The following GCH1 variants were observed in gnomAD, a reference collection of about 807,000 sequenced individuals.
The protein encoded by GCH1 is GTP cyclohydrolase I.
GCH1 carries 5 observed loss-of-function variants against 25.9 expected under a neutral mutation model. The ratio of observed to expected loss-of-function variants is 0.19; its 90% CI spans 0.10 to 0.41. The LOEUF (loss-of-function observed/expected upper bound fraction) is 0.41, where lower values mean the gene tolerates loss of function less well. GCH1 is among the 10% of genes least tolerant of loss of function. GCH1 has a pLI of 1.00. For synonymous variants in GCH1, 159 were observed against 129.6 expected, an observed-to-expected ratio of 1.23 and a Z score of -1.54; for missense variants, 261 against 336.5, an observed-to-expected ratio of 0.78 and a Z score of 1.75.
intron 3 of GCH1, among the ~76,000 whole-genome samples, chr14:54,855,022 A>G (rs549337918): frequency 6.6e-6 from 1 of 152,336 alleles, no homozygotes; most frequent in South Asian, 2.1e-4. Flanking sequence ...CACAAAGATA[A>G]TAAAATTTGT....
At position 54,902,756 on chromosome 14, in the gene GCH1, T is replaced by C. The variant is rs764888909; in HGVS notation, c.-93A>G. 5.1e-6 allele frequency: 7 copies of C among 1,360,420 alleles called. No homozygotes were observed. The highest frequency in any genetic ancestry group is 6.6e-6 in the Non-Finnish European group (7 of 1,060,730). The allele number at this position is 1,360,420 out of a possible 1,614,324, so 84.3% of individuals were successfully genotyped here. On this transcript the variant is annotated 5_prime_UTR_variant, in exon 1 of 6. Transcript: ENST00000491895. The stretch of plus-strand genomic sequence containing the variant: ...GCCGGTGGCCGCGGACAATGGGCTG[T>C]GGCCGGAGTCACCTGAGGAAGGTAC...
intron 1 of GCH1, among the ~76,000 whole-genome samples, chr14:54,866,474 T>C (rs2039991200): frequency 6.6e-6 from 1 of 151,524 alleles, no homozygotes; most frequent in Non-Finnish European, 1.5e-5. Flanking sequence ...AGAAAAAAAC[T>C]GTACTGATAC....
intron 1 of GCH1, among the ~76,000 whole-genome samples, chr14:54,900,694 A>G (rs977197702): frequency 1.3e-5 from 2 of 152,144 alleles, no homozygotes; most frequent in Admixed American, 6.5e-5. Context: ...AATTAGATCC[A>G]TGCTAGATTA....
At chr14:54,847,904 G>A (rs1230692710) in intron 3 of GCH1, among the ~76,000 whole-genome samples, 1 of 152,014 alleles carries the variant, frequency 6.6e-6, no homozygotes, top group Non-Finnish European at 1.5e-5. Context: ...TGTTTTATCA[G>A]AGCTTAAAAT....
At position 54,843,280 on chromosome 14, in the gene GCH1, C is replaced by G; in HGVS notation, c.*737G>C. 7.3e-7 allele frequency: 1 copy of G among 1,375,262 alleles called. No homozygotes were observed. The highest frequency in any genetic ancestry group is 9.3e-7 in the Non-Finnish European group (1 of 1,071,326). 85.2% of individuals were successfully genotyped at this position (1,375,262 alleles called of 1,614,324 possible). On this transcript the variant is annotated 3_prime_UTR_variant, in exon 6 of 6. Coordinates refer to ENST00000491895, the MANE Select transcript of GCH1 (RefSeq NM_000161.3). ...TTAAAAAGGCAAAAGTATCTACACT[C>G]TAAATGATATTCTTATCAAGGCACA...
At chr14:54,900,018 C>A (rs948732559) in intron 1 of GCH1, among the ~76,000 whole-genome samples, 1 of 151,126 alleles carries the variant, frequency 6.6e-6, no homozygotes, top group Non-Finnish European at 1.5e-5. Context: ...GCACCTGACA[C>A]CATGCCCGGC....
intron 1 of GCH1, among the ~76,000 whole-genome samples, chr14:54,873,898 C>G (rs1289998613): frequency 6.6e-6 from 1 of 152,132 alleles, no homozygotes; most frequent in South Asian, 2.1e-4. Flanking sequence ...GATTCACAGC[C>G]GAATTCTACC....
intron 3 of GCH1, among the ~76,000 whole-genome samples, chr14:54,850,363 AGT>A (rs2039709677): frequency 7.4e-6 from 1 of 135,628 alleles, no homozygotes; most frequent in Admixed American, 8.5e-5. Flanking sequence ...CCCAGGCTGG[AGT>A]GCAATGGCAC....
chr14:54,856,217 G>A (rs1003069821), intron 3 of GCH1, among the ~76,000 whole-genome samples: 1 of 152,080 alleles, frequency 6.6e-6, no homozygotes, highest in African/African-American at 2.4e-5. Context: ...CCACCTCCAG[G>A]TCTATTCACC....
rs1053184854 is a variant in GCH1 at position 54,862,373 on chromosome 14, A to G, written c.454-2637T>C. On this transcript the variant is annotated intron_variant, in intron 2 of 5. Coordinates refer to ENST00000491895, the MANE Select transcript of GCH1 (RefSeq NM_000161.3). ...GAAGTCTTCAGCACCCTTATGAAGC[A>G]CTACTCTTTTTTTTTTTTTTTTTTT... Among the ~76,000 whole-genome samples the G allele has an allele frequency of 1.8e-4, 23 of 129,340 alleles. 1 individual carries two copies. Among genetic ancestry groups the G allele is most frequent in the African/African-American group, 6.7e-4 (22 of 32,894 alleles). The allele number at this position is 129,340 out of a possible 152,430, so 84.9% of individuals were successfully genotyped here.
At chr14:54,863,237 G>A (rs1333691954) in intron 2 of GCH1, among the ~76,000 whole-genome samples, 2 of 151,472 alleles carry the variant, frequency 1.3e-5, no homozygotes, top group African/African-American at 2.4e-5. Flanking sequence ...GGCTAACACC[G>A]TGAAACCCCT....
chr14:54,854,966 A>G (rs1393110396), intron 3 of GCH1, among the ~76,000 whole-genome samples: 1 of 152,198 alleles, frequency 6.6e-6, no homozygotes, highest in Non-Finnish European at 1.5e-5. Context: ...CCCTTTACCC[A>G]TCAAGTTCCA....
At chr14:54,852,713 C>T (rs985383851) in intron 3 of GCH1, among the ~76,000 whole-genome samples, 1 of 152,156 alleles carries the variant, frequency 6.6e-6, no homozygotes, top group Non-Finnish European at 1.5e-5. Context: ...GAAGTCATTT[C>T]GCTTCAAGTT....
chr14:54,874,062 T>C (rs1214410790), intron 1 of GCH1, among the ~76,000 whole-genome samples: 3 of 152,140 alleles, frequency 2.0e-5, no homozygotes, highest in Non-Finnish European at 4.4e-5. Flanking sequence ...TTTAGACCAA[T>C]ATCCCTGATG....
At chr14:54,893,227 T>C (rs189076786) in intron 1 of GCH1, among the ~76,000 whole-genome samples, 1 of 152,232 alleles carries the variant, frequency 6.6e-6, no homozygotes, top group Non-Finnish European at 1.5e-5. Flanking sequence ...CTAATTACTA[T>C]AGACTCTAGC....
At chr14:54,885,110 T>A in intron 1 of GCH1, 1 of 295,644 alleles carries the variant, frequency 3.4e-6, no homozygotes, top group South Asian at 4.1e-5. Flanking sequence ...TGGATGTCAG[T>A]ACAAACTCTG....
chr14:54,869,225 G>A (rs1347727618), intron 1 of GCH1, among the ~76,000 whole-genome samples: 2 of 151,654 alleles, frequency 1.3e-5, no homozygotes, highest in Admixed American at 6.6e-5. Flanking sequence ...ATTTTTAGTA[G>A]AGACGGGGTT....
At chr14:54,867,512 C>T (rs1305748726) in intron 1 of GCH1, among the ~76,000 whole-genome samples, 1 of 137,532 alleles carries the variant, frequency 7.3e-6, no homozygotes, top group South Asian at 2.3e-4. Context: ...TGCTTGAACC[C>T]GGGATGTGGA....
intron 3 of GCH1, among the ~76,000 whole-genome samples, chr14:54,849,423 C>T (rs1237637982): frequency 6.6e-6 from 1 of 152,188 alleles, no homozygotes; most frequent in Non-Finnish European, 1.5e-5. Context: ...TCTAGTTTGA[C>T]ACTGATATCT....
Sources: allele counts gnomAD v4.1 joint callset (sites outside exome capture counted in the v4.1 genomes callset), GRCh38; gene constraint gnomAD v4.1.1; transcripts MANE v1.5; gene names NCBI Gene and HGNC (gene_info 2026-07-23, HGNC 2026-07-21).